YTHDF1: variants seen among roughly 807,000 people sequenced by gnomAD.
YTHDF1 encodes YTH N6-methyladenosine RNA binding protein F1.
YTHDF1 carries 16 observed loss-of-function variants against 49.1 expected under a neutral mutation model. The observed-to-expected ratio is 0.33, with a 90% CI of 0.22 to 0.49. The LOEUF is 0.49. Among genes scored for constraint, YTHDF1 ranks in the 20% least tolerant of loss-of-function variants. YTHDF1 has a pLI of 0.99. For synonymous variants in YTHDF1, 313 were observed against 290.1 expected, an observed-to-expected ratio of 1.08 and a Z score of -0.80; for missense variants, 621 against 744.3, an observed-to-expected ratio of 0.83 and a Z score of 1.93.
At position 63,213,849 on chromosome 20, in the gene YTHDF1, A is replaced by G; in HGVS notation, c.132+15T>C. The G allele has an allele frequency of 1.9e-6, 3 of 1,598,572 alleles. No homozygotes were observed. Among genetic ancestry groups the G allele is most frequent in the Non-Finnish European group, 2.6e-6 (3 of 1,175,170 alleles). On this transcript the variant is annotated intron_variant, in intron 3 of 4. Coordinates refer to ENST00000370339, the MANE Select transcript of YTHDF1 (RefSeq NM_017798.4). ...CCAACTTAAAAACAAATATATGCTA[A>G]CAAAATAAACTCACCTGATTTGACT...
At chr20:63,205,304 T>G (rs1010286190) in intron 3 of YTHDF1, among the ~76,000 whole-genome samples, 1 of 152,246 alleles carries the variant, frequency 6.6e-6, no homozygotes, top group Non-Finnish European at 1.5e-5. Context: ...ACAGGCCTGC[T>G]TCACTGGAGG....
chr20:63,213,770 G>A, intron 3 of YTHDF1, 94 bp downstream of exon 3: 2 of 1,160,960 alleles, frequency 1.7e-6, no homozygotes, highest in Non-Finnish European at 2.5e-6. Context: ...CTGCTTTGTT[G>A]TTTAGGATAA....
intron 4 of YTHDF1, among the ~76,000 whole-genome samples, chr20:63,199,876 T>C (rs112750048): frequency 6.6e-6 from 1 of 151,780 alleles, no homozygotes; most frequent in African/African-American, 2.4e-5. Flanking sequence ...CTGGGCAACA[T>C]AGCAAGACAC....
chr20:63,216,011 C>T lies in YTHDF1; in HGVS notation c.-119G>A. 3.2e-6 allele frequency: 3 copies of T among 939,078 alleles called. No individual in the cohort carries two copies. The highest frequency in any genetic ancestry group is 2.6e-6 in the Non-Finnish European group (2 of 777,770). The allele number at this position is 939,078 out of a possible 1,614,324, so 58.2% of individuals were successfully genotyped here. A position where few individuals can be genotyped will look rare whatever the true frequency, so the allele number is the denominator to read the frequency against. On this transcript the variant is annotated 5_prime_UTR_variant, in exon 1 of 5. Coordinates refer to ENST00000370339, the MANE Select transcript of YTHDF1 (RefSeq NM_017798.4). ...GCCCCGCCGCCAATTCCCCGGGCGC[C>T]GGCCGGGCGGCGGCGGCGGCTGCTG...
At position 63,196,311 on chromosome 20, in the gene YTHDF1, A is replaced by T. The variant is rs1176826221; in HGVS notation, c.*397T>A. ...CAAGAGATTTTATCAGAATACTCTA[A>T]ATGACAAAATGACTCATGGTTTCTT... On this transcript the variant is annotated 3_prime_UTR_variant, in exon 5 of 5. Coordinates refer to ENST00000370339, the MANE Select transcript of YTHDF1 (RefSeq NM_017798.4). 6.2e-6 allele frequency: 1 copy of T among 160,700 alleles called. No homozygotes were observed. The highest frequency in any genetic ancestry group is 1.4e-5 in the Non-Finnish European group (1 of 73,884). 10.0% of individuals were successfully genotyped at this position (160,700 alleles called of 1,614,324 possible). A position where few individuals can be genotyped will look rare whatever the true frequency, so the allele number is the denominator to read the frequency against.
Position 63,201,485 on chromosome 20 carries a change from T to G in YTHDF1, c.1653+802A>C, listed in dbSNP as rs76037186. Among the ~76,000 whole-genome samples the G allele has an allele frequency of 4.7e-3, 723 of 152,304 alleles. 2 individuals are homozygous for G. The highest frequency in any genetic ancestry group is 7.1e-3 in the Non-Finnish European group (485 of 68,022). ...TCATTTTCCCATTGCTGGTGCCAGTTTACGGGCATCTGAGCCCTTCTGAAG... is the reference window on the plus strand; with the variant it reads ...TCATTTTCCCATTGCTGGTGCCAGTGTACGGGCATCTGAGCCCTTCTGAAG... On this transcript the variant is annotated intron_variant, in intron 4 of 4. Coordinates refer to ENST00000370339, the MANE Select transcript of YTHDF1 (RefSeq NM_017798.4).
Position 63,210,869 on chromosome 20 carries a change from CT to C in YTHDF1, c.132+2994del, listed in dbSNP as rs149915989. The stretch of plus-strand genomic sequence containing the variant: ...ACTCCCAGTTCCTCTGCTCCCCCAA[CT>C]CCCATTCAAGTCACAGACTAGAAGA... On this transcript the variant is annotated intron_variant, in intron 3 of 4. Transcript: ENST00000370339. Among the ~76,000 whole-genome samples the C allele has an allele frequency of 9.4e-3, 1,430 of 152,334 alleles. 15 individuals carry two copies. The highest frequency in any genetic ancestry group is 0.033 in the African/African-American group (1,365 of 41,568).
chr20:63,214,219 C>A, intron 2 of YTHDF1: 2 of 683,018 alleles, frequency 2.9e-6, no homozygotes, highest in Non-Finnish European at 3.6e-6. Flanking sequence ...GCAAGGAACA[C>A]ATAACCAGGG....
intron 3 of YTHDF1, 133 bp downstream of exon 3, chr20:63,213,731 G>C (rs1230442294): frequency 5.1e-6 from 4 of 780,820 alleles, no homozygotes; most frequent in Non-Finnish European, 7.8e-6. Flanking sequence ...TTCATGAGCA[G>C]TCTATCATTC....
In YTHDF1 at chr20:63,203,609, G is replaced by A. The variant is rs1292651949; in HGVS notation, c.331C>T (p.Leu111=). The part of the protein sequence containing the change: ...HDAVFGQPGG[L]GNNIYQHRFN... ...CTGTGCTGATAGATGTTGTTCCCCA[G>A]GCCCCCAGGCTGCCCAAAAACAGCA... is the stretch of plus-strand genomic sequence containing the variant. Residue 111 remains leucine (L), a synonymous_variant, in exon 4 of 5, where the codon CTG becomes TTG. Transcript: ENST00000370339. The surrounding 1 kb of genome is among the most constrained non-coding windows in gnomAD (Gnocchi z 4.4). The A allele has an allele frequency of 5.6e-6, 9 of 1,614,016 alleles. No homozygotes were observed. Among genetic ancestry groups the A allele is most frequent in the African/African-American group, 4.0e-5 (3 of 74,912 alleles).
intron 4 of YTHDF1, among the ~76,000 whole-genome samples, chr20:63,199,187 G>A (rs1230116770): frequency 6.6e-6 from 1 of 152,212 alleles, no homozygotes; most frequent in Admixed American, 6.5e-5. Context: ...CAGCACAGGC[G>A]CACAACCCTC....
intron 4 of YTHDF1, among the ~76,000 whole-genome samples, chr20:63,200,670 A>C (rs1277406316): frequency 6.6e-6 from 1 of 152,202 alleles, no homozygotes; most frequent in Non-Finnish European, 1.5e-5. Flanking sequence ...GCAGTTATCT[A>C]GATCAAGTTT....
At chr20:63,212,244 G>A (rs1168280769) in intron 3 of YTHDF1, among the ~76,000 whole-genome samples, 1 of 152,182 alleles carries the variant, frequency 6.6e-6, no homozygotes, top group Non-Finnish European at 1.5e-5. Context: ...AAGCAGGGTC[G>A]GAGCGCGGGG....
chr20:63,209,564 T>A (rs1245476199), intron 3 of YTHDF1, among the ~76,000 whole-genome samples: 1 of 151,942 alleles, frequency 6.6e-6, no homozygotes, highest in Admixed American at 6.6e-5. Flanking sequence ...CAGCCCAGGA[T>A]TTCGAGAACA....
chr20:63,210,648 C>T (rs752091201), intron 3 of YTHDF1, among the ~76,000 whole-genome samples: 3 of 151,978 alleles, frequency 2.0e-5, no homozygotes, highest in Non-Finnish European at 2.9e-5. Flanking sequence ...ATTAGCCAGG[C>T]GTGGTGGCGC....
intron 4 of YTHDF1, 111 bp downstream of exon 4, chr20:63,202,176 C>T (rs758192230): frequency 2.1e-5 from 30 of 1,419,438 alleles, no homozygotes; most frequent in Non-Finnish European, 2.6e-5. Context: ...CTGCCTGTCA[C>T]GAGACTCAGC....
At chr20:63,215,526 C>T (rs1424418772) in intron 2 of YTHDF1, 51 bp downstream of exon 2, 9 of 1,612,726 alleles carry the variant, frequency 5.6e-6, no homozygotes, top group Non-Finnish European at 7.6e-6. Context: ...CCGTTCCTTC[C>T]CCGTCCTCCT....
chr20:63,196,734 CCTGTAAA>C lies in YTHDF1; in HGVS notation c.1654-7_1654-1del. The C allele has an allele frequency of 6.2e-7, 1 of 1,614,012 alleles. No homozygotes were observed. Among genetic ancestry groups the C allele is most frequent in the Non-Finnish European group, 8.5e-7 (1 of 1,179,942 alleles). On this transcript the variant is annotated splice_acceptor_variant and splice_polypyrimidine_tract_variant and intron_variant, in intron 4 of 4. Coordinates refer to ENST00000370339, the MANE Select transcript of YTHDF1 (RefSeq NM_017798.4). LOFTEE classifies it high-confidence loss of function. ...CATTGTTTGTTTCGACTCTGCCGTT[CCTGTAAA>C]AAGAAAAAACAAAAGTTGAACGCAG...
At chr20:63,197,026 G>A (rs1158776178) in intron 4 of YTHDF1, among the ~76,000 whole-genome samples, 1 of 152,160 alleles carries the variant, frequency 6.6e-6, no homozygotes, top group Non-Finnish European at 1.5e-5. Flanking sequence ...TCCCACAGCT[G>A]TCTTTCCCTC....
Sources: allele counts gnomAD v4.1 joint callset (sites outside exome capture counted in the v4.1 genomes callset), GRCh38; gene constraint gnomAD v4.1.1; non-coding constraint Gnocchi (gnomAD v3.1); transcripts MANE v1.5; gene names NCBI Gene and HGNC (gene_info 2026-07-23, HGNC 2026-07-21).